The following CFAP251 variants were observed in gnomAD, a reference collection of about 807,000 sequenced individuals.
CFAP251 encodes cilia and flagella associated protein 251.
In CFAP251, 93 loss-of-function variants were observed where a neutral mutation model predicts 126.7. The ratio of observed to expected loss-of-function variants is 0.73; its 90% CI spans 0.62 to 0.87. The LOEUF is 0.87. Ranked by LOEUF, CFAP251 falls within the 40% of genes least tolerant of loss-of-function variation. The pLI, the probability that CFAP251 is intolerant of heterozygous loss-of-function variation, is 0.00. For missense variants in CFAP251, 1,287 were observed against 1,389.2 expected, an observed-to-expected ratio of 0.93 and a Z score of 1.17; for synonymous variants, 503 against 506.9, an observed-to-expected ratio of 0.99 and a Z score of 0.10.
Position 121,962,047 on chromosome 12 carries a change from G to A in CFAP251, c.2377G>A (p.Gly793Ser). The change falls in exon 15 of 22, where the codon GGC becomes AGC. Residue 793 changes from glycine (G) to serine (S), a missense_variant. Coordinates refer to ENST00000288912, the MANE Select transcript of CFAP251 (RefSeq NM_144668.6). ...CCTGGACATTCACCACACCGACCAG[G>A]GCTGCTATCCCACCTGCATGGTCTG... ...EVLDIHHTDQ[G>S]CYPTCMVWYP... is the part of the protein sequence containing the mutation. 6.2e-7 allele frequency: 1 copy of A among 1,613,932 alleles called. No homozygotes were observed. Among genetic ancestry groups the A allele is most frequent in the South Asian group, 1.1e-5 (1 of 91,080 alleles).
At chr12:121,938,095 C>T (rs976187662) in intron 5 of CFAP251, among the ~76,000 whole-genome samples, 24 of 151,954 alleles carry the variant, frequency 1.6e-4, no homozygotes, top group Non-Finnish European at 7.4e-5. Flanking sequence ...GCCTTGGCCT[C>T]CGAGGCTCAA....
rs1882418014 is a variant in CFAP251, at chr12:121,974,894, C to T, written c.2772-350C>T. On this transcript the variant is annotated intron_variant, in intron 17 of 21. Coordinates refer to ENST00000288912, the MANE Select transcript of CFAP251 (RefSeq NM_144668.6). This position sits in a 1 kb window ranked among gnomAD's most constrained non-coding sequence, Gnocchi z 4.6. ...GGATCTAAAGTTACGGGTAAGGCTG[C>T]TCTGTCTGGGAGGATTGTGGTTTCA... 1.3e-5 allele frequency among the ~76,000 whole-genome samples: 2 copies of T among 152,142 alleles called. No individual in the cohort carries two copies. The highest frequency in any genetic ancestry group is 4.8e-5 in the African/African-American group (2 of 41,426).
At position 121,980,594 on chromosome 12, in the gene CFAP251, C is replaced by T. The variant is rs541703360; in HGVS notation, c.3006+4909C>T. Among the ~76,000 whole-genome samples, 43 of 152,194 alleles carry T rather than the reference C, an allele frequency of 2.8e-4. No individual in the cohort carries two copies. The South Asian group carries it at 7.9e-3, about 28-fold the overall frequency. On this transcript the variant is annotated intron_variant, in intron 19 of 21. Coordinates refer to ENST00000288912, the MANE Select transcript of CFAP251 (RefSeq NM_144668.6). Reference sequence around the variant, plus strand: ...AACTCCTGAGCTCGAGCCATCCACCCTCCTTAGCCTCCCACAGTGCTGGGA... The same window carrying T: ...AACTCCTGAGCTCGAGCCATCCACCTTCCTTAGCCTCCCACAGTGCTGGGA...
At chr12:121,942,840 A>T (rs1371508614) in intron 6 of CFAP251, 55 bp from the exon 7 acceptor site, 6 of 1,587,618 alleles carry the variant, frequency 3.8e-6, no homozygotes, top group Non-Finnish European at 5.2e-6. Context: ...GGTGTAAGTT[A>T]CTTCAGCAGA....
intron 5 of CFAP251, among the ~76,000 whole-genome samples, chr12:121,942,229 AC>A (rs1881147960): frequency 6.6e-6 from 1 of 151,710 alleles, no homozygotes; most frequent in Non-Finnish European, 1.5e-5. Flanking sequence ...CCAGAAGGAC[AC>A]CCTGCATCCA....
At chr12:121,957,340 T>A (rs1357875889) in intron 11 of CFAP251, 72 bp downstream of exon 11, 4 of 1,445,800 alleles carry the variant, frequency 2.8e-6, no homozygotes, top group Non-Finnish European at 3.8e-6. Flanking sequence ...TTGCATACAG[T>A]GGGAGGTTCG....
At chr12:121,944,235 G>A (rs1881233763) in intron 7 of CFAP251, among the ~76,000 whole-genome samples, 1 of 152,190 alleles carries the variant, frequency 6.6e-6, no homozygotes, top group African/African-American at 2.4e-5. Flanking sequence ...TCCAAACAGA[G>A]GGTTTGGGTG....
At chr12:121,929,861 A>C (rs2135751099) in intron 3 of CFAP251, among the ~76,000 whole-genome samples, 1 of 152,230 alleles carries the variant, frequency 6.6e-6, no homozygotes, top group African/African-American at 2.4e-5. Context: ...TATTTTCAGT[A>C]GAGATGGGGT....
intron 19 of CFAP251, among the ~76,000 whole-genome samples, chr12:121,991,821 T>C (rs1882881315): frequency 6.6e-6 from 1 of 152,048 alleles, no homozygotes. Context: ...GTAGGAACCC[T>C]GTTGCTACTA....
chr12:121,957,508 T>A (rs60475694), intron 11 of CFAP251, among the ~76,000 whole-genome samples: 1,662 of 151,958 alleles, frequency 0.011, 20 homozygotes, highest in African/African-American at 0.037. Flanking sequence ...ATCGAGACCA[T>A]CCTGGCTAAC....
At chr12:121,924,948 C>T (rs1880352123) in intron 3 of CFAP251, among the ~76,000 whole-genome samples, 1 of 151,738 alleles carries the variant, frequency 6.6e-6, no homozygotes, top group South Asian at 2.1e-4. Flanking sequence ...CTTCCCGCTT[C>T]CTCTCCCTCT....
At chr12:121,985,994 A>G (rs1296845927) in intron 19 of CFAP251, among the ~76,000 whole-genome samples, 1 of 151,806 alleles carries the variant, frequency 6.6e-6, no homozygotes, top group Admixed American at 6.6e-5. Context: ...TGTCTCTACA[A>G]ATTATTATTA....
At chr12:121,957,660 C>T (rs368759569) in intron 11 of CFAP251, among the ~76,000 whole-genome samples, 17 of 146,994 alleles carry the variant, frequency 1.2e-4, no homozygotes, top group East Asian at 2.0e-4. Context: ...GCTGAGATAG[C>T]GCCACTCTAC....
chr12:121,993,795 TGGGGGGGTCAGCCCC>T, intron 19 of CFAP251, among the ~76,000 whole-genome samples: 1 of 111,002 alleles, frequency 9.0e-6, no homozygotes, highest in South Asian at 3.2e-4. Flanking sequence ...GGGAGGGAGG[TGGGGGGGTCAGCCCC>T]CCGCCCGGCC....
intron 19 of CFAP251, among the ~76,000 whole-genome samples, chr12:121,977,561 G>A (rs1360022810): frequency 6.6e-6 from 1 of 152,152 alleles, no homozygotes; most frequent in Non-Finnish European, 1.5e-5. Flanking sequence ...TTGGGAGGCT[G>A]AGGCAAGAGA....
intron 8 of CFAP251, chr12:121,950,029 ACAGCAG>A (rs377292428): frequency 6.6e-6 from 1 of 152,250 alleles, no homozygotes; most frequent in Non-Finnish European, 1.5e-5. Context: ...ACAAATGTTC[ACAGCAG>A]CAGCAGCAGC....
In CFAP251 at chr12:121,923,774, G is replaced by A. The variant is rs1046037566; in HGVS notation, c.531G>A (p.Gln177=). The change falls in exon 3 of 22, where the codon CAG becomes CAA. Residue 177 remains glutamine (Q), a synonymous_variant. Coordinates refer to ENST00000288912, the MANE Select transcript of CFAP251 (RefSeq NM_144668.6). The part of the protein sequence containing the change: ...EEQQISSPER[Q]PSGELEEKTD... ...AACAGATTAGTTCCCCTGAAAGGCA[G>A]CCCTCAGGAGAGCTTGAGGAGAAAA... is the stretch of plus-strand genomic sequence containing the variant. 1.9e-6 allele frequency: 3 copies of A among 1,613,986 alleles called. No individual in the cohort carries two copies. The highest frequency in any genetic ancestry group is 2.5e-6 in the Non-Finnish European group (3 of 1,180,016).
At chr12:121,940,745 A>G (rs1024292944) in intron 5 of CFAP251, among the ~76,000 whole-genome samples, 1 of 152,202 alleles carries the variant, frequency 6.6e-6, no homozygotes, top group Non-Finnish European at 1.5e-5. Context: ...TGTTGGAATC[A>G]TACAGCTCTA....
chr12:121,988,700 G>A (rs958930264), intron 19 of CFAP251, among the ~76,000 whole-genome samples: 2 of 150,672 alleles, frequency 1.3e-5, no homozygotes, highest in African/African-American at 2.4e-5. Context: ...GTGAACATTC[G>A]TGTGCAAGTT....
Sources: allele counts gnomAD v4.1 joint callset (sites outside exome capture counted in the v4.1 genomes callset), GRCh38; gene constraint gnomAD v4.1.1; non-coding constraint Gnocchi (gnomAD v3.1); transcripts MANE v1.5; gene names NCBI Gene and HGNC (gene_info 2026-07-23, HGNC 2026-07-21).